Variants in NOX4 observed in about 807,000 individuals in gnomAD.
NOX4 encodes NADPH oxidase 4, also known as kidney oxidase-1.
A neutral mutation model predicts 87.6 loss-of-function variants in NOX4; 69 were observed. That is an observed-to-expected ratio of 0.79 (90% CI 0.65 to 0.96). NOX4 has a LOEUF of 0.96. Ranked by LOEUF, NOX4 falls within the 40% of genes least tolerant of loss-of-function variation. The pLI is 0.00. For synonymous variants in NOX4, 275 were observed against 238.2 expected (o/e 1.15, Z -1.42); for missense variants, 680 against 681.5 (o/e 1.00, Z 0.02).
chr11:89,417,451 T>A (rs536077857), intron 8 of NOX4, among the ~76,000 whole-genome samples: 51 of 152,258 alleles, frequency 3.3e-4, no homozygotes, highest in African/African-American at 1.2e-3. Flanking sequence ...CCCAAAAAGG[T>A]ATATTAAAAA....
intron 17 of NOX4, among the ~76,000 whole-genome samples, chr11:89,331,267 A>C (rs1945458084): frequency 6.6e-6 from 1 of 151,982 alleles, no homozygotes; most frequent in African/African-American, 2.4e-5. Flanking sequence ...CATAAAAAAT[A>C]AAAAATATTT....
intron 13 of NOX4, among the ~76,000 whole-genome samples, chr11:89,345,250 T>A (rs971895083): frequency 3.3e-4 from 51 of 152,312 alleles, no homozygotes; most frequent in African/African-American, 1.1e-3. Flanking sequence ...GAGCTACTGA[T>A]GTTGCTGATA....
chr11:89,388,227 C>T (rs1033299059), intron 11 of NOX4, among the ~76,000 whole-genome samples: 1 of 152,166 alleles, frequency 6.6e-6, no homozygotes, highest in African/African-American at 2.4e-5. Flanking sequence ...CTGCACTGCT[C>T]AGACCCTTTC....
chr11:89,458,606 G>A (rs762840993), intron 2 of NOX4, among the ~76,000 whole-genome samples: 2 of 151,988 alleles, frequency 1.3e-5, no homozygotes, highest in African/African-American at 2.4e-5. Context: ...AAATTAACAA[G>A]CAAAAAACAA....
chr11:89,420,927 G>A (rs1309501942), intron 8 of NOX4, among the ~76,000 whole-genome samples: 1 of 152,040 alleles, frequency 6.6e-6, no homozygotes, highest in Non-Finnish European at 1.5e-5. Flanking sequence ...TGATCCCAAG[G>A]GCATCCCTTG....
At chr11:89,574,261 C>A in the NOX4 span, among the ~76,000 whole-genome samples, 1 of 152,132 alleles carries the variant, frequency 6.6e-6, no homozygotes, top group Non-Finnish European at 1.5e-5. Flanking sequence ...CTGATTCCAA[C>A]CCATTCTCAA....
chr11:89,384,720 T>A (rs750151864), intron 11 of NOX4, among the ~76,000 whole-genome samples: 2 of 152,198 alleles, frequency 1.3e-5, no homozygotes, highest in African/African-American at 2.4e-5. Context: ...CCAACCATTT[T>A]TCATTACACA....
chr11:89,326,717 T>C lies in NOX4; in HGVS notation c.*39A>G. 1 of 1,591,582 alleles carries C rather than the reference T, an allele frequency of 6.3e-7. No homozygotes were observed. Among genetic ancestry groups the C allele is most frequent in the Non-Finnish European group, 8.6e-7 (1 of 1,164,560 alleles). On this transcript the variant is annotated 3_prime_UTR_variant, in exon 18 of 18. Transcript: ENST00000263317. Reference sequence around the variant, plus strand: ...AGTTTCAAAGTCTTAGAAATTGCACTCATTCCTTCTTTAGAGTCCTGCTTC... The same window carrying C: ...AGTTTCAAAGTCTTAGAAATTGCACCCATTCCTTCTTTAGAGTCCTGCTTC...
In NOX4 at chr11:89,432,799, G is replaced by C. The variant is rs1300834044; in HGVS notation, c.533C>G (p.Ser178Cys). Residue 178 changes from serine (S) to cysteine (C), a missense_variant, in exon 7 of 18, where the codon TCT becomes TGT. Ser to Cys is a moderately radical substitution (Grantham distance 112). Coordinates refer to ENST00000263317, the MANE Select transcript of NOX4 (RefSeq NM_016931.5). ...TGACACTTACCTTATTGCATATGTA[G>C]AGGCTGTGATCATGAGGAATAGCAC... is the stretch of plus-strand genomic sequence containing the variant. Reference protein sequence around the residue: ...VVVLFLMITASTYAIRVSNYD... With the variant: ...VVVLFLMITACTYAIRVSNYD... The C allele has an allele frequency of 1.2e-6, 2 of 1,609,550 alleles. No individual in the cohort carries two copies. The highest frequency in any genetic ancestry group is 1.3e-5 in the African/African-American group (1 of 74,864).
At position 89,491,295 on chromosome 11, in the gene NOX4, A is replaced by T. The variant is rs778831372; in HGVS notation, c.-49T>A. 1.3e-6 allele frequency: 2 copies of T among 1,568,920 alleles called. No homozygotes were observed. The highest frequency in any genetic ancestry group is 2.3e-5 in the South Asian group (2 of 87,456). On this transcript the variant is annotated 5_prime_UTR_variant, in exon 1 of 18. Coordinates refer to ENST00000263317, the MANE Select transcript of NOX4 (RefSeq NM_016931.5). The stretch of plus-strand genomic sequence containing the variant: ...CTCTGTGCCCGCCGGACCGAGAAGG[A>T]GCGGGCGGCGGCCGGGGCAGCGGTT...
At chr11:89,446,732 T>C (rs1944726320) in intron 4 of NOX4, among the ~76,000 whole-genome samples, 1 of 152,052 alleles carries the variant, frequency 6.6e-6, no homozygotes. Flanking sequence ...GAAAGATAAA[T>C]AGGCAGAGCA....
At chr11:89,399,646 G>T (rs1941708152) in intron 11 of NOX4, among the ~76,000 whole-genome samples, 2 of 148,084 alleles carry the variant, frequency 1.4e-5, no homozygotes, top group Admixed American at 6.8e-5. Flanking sequence ...TTTATTTACT[G>T]TAGAAACAGT....
chr11:89,523,937 C>T, the NOX4 span, among the ~76,000 whole-genome samples: 3 of 152,052 alleles, frequency 2.0e-5, no homozygotes, highest in African/African-American at 4.8e-5. Context: ...TAATCCATAG[C>T]GATTTAAAAA....
chr11:89,333,805 T>C (rs1162457038), intron 17 of NOX4, among the ~76,000 whole-genome samples: 2 of 151,766 alleles, frequency 1.3e-5, no homozygotes, highest in African/African-American at 4.8e-5. Flanking sequence ...GTATGCTACA[T>C]AAAAATCCTT....
upstream of NOX4, among the ~76,000 whole-genome samples, chr11:89,493,853 A>C (rs1946919141): frequency 6.6e-6 from 1 of 151,836 alleles, no homozygotes; most frequent in South Asian, 2.1e-4. Context: ...GGGTTCAAGC[A>C]ATTCTCTCAC....
At chr11:89,370,465 T>A (rs554799590) in intron 12 of NOX4, among the ~76,000 whole-genome samples, 1 of 151,970 alleles carries the variant, frequency 6.6e-6, no homozygotes, top group South Asian at 2.1e-4. Flanking sequence ...TATAGCATTA[T>A]CTCAGACATT....
At chr11:89,481,500 GA>G (rs1946390250) in intron 2 of NOX4, among the ~76,000 whole-genome samples, 1 of 152,018 alleles carries the variant, frequency 6.6e-6, no homozygotes, top group Admixed American at 6.6e-5. Context: ...CACCTAGGCT[GA>G]GAGAATAGTA....
At chr11:89,546,852 A>T in the NOX4 span, among the ~76,000 whole-genome samples, 1 of 152,186 alleles carries the variant, frequency 6.6e-6, no homozygotes, top group African/African-American at 2.4e-5. Flanking sequence ...CAGAGACCTC[A>T]TGAACTAATC....
intron 7 of NOX4, among the ~76,000 whole-genome samples, chr11:89,427,009 C>A (rs780684902): frequency 6.6e-6 from 1 of 152,164 alleles, no homozygotes; most frequent in African/African-American, 2.4e-5. Flanking sequence ...GGCCGAGTAC[C>A]CCTCTGAGAC....
Sources: allele counts gnomAD v4.1 joint callset (sites outside exome capture counted in the v4.1 genomes callset), GRCh38; gene constraint gnomAD v4.1.1; transcripts MANE v1.5; gene names NCBI Gene and HGNC (gene_info 2026-07-23, HGNC 2026-07-21).